Variants in ITGB1BP1 observed in about 807,000 individuals in gnomAD.
The protein encoded by ITGB1BP1 is integrin beta-1-binding protein 1.
ITGB1BP1 carries 20 observed loss-of-function variants against 28.0 expected under a neutral mutation model. The ratio of observed to expected loss-of-function variants is 0.71; its 90% CI spans 0.50 to 1.04. The LOEUF (loss-of-function observed/expected upper bound fraction) is 1.04, where lower values mean the gene tolerates loss of function less well. ITGB1BP1 is among the 50% of genes least tolerant of loss of function. The pLI is 0.00. For missense variants in ITGB1BP1, 228 were observed against 242.5 expected (o/e 0.94, Z 0.40); for synonymous variants, 103 against 89.5 (o/e 1.15, Z -0.85).
At chr2:9,422,769 G>T in intron 1 of ITGB1BP1, 1 of 985,798 alleles carries the variant, frequency 1.0e-6, no homozygotes, top group Middle Eastern at 5.2e-4. Context: ...GGTGCTAGGT[G>T]CACAGATCCC....
At position 9,406,692 on chromosome 2, in the gene ITGB1BP1, A is replaced by T; in HGVS notation, c.*142T>A. On this transcript the variant is annotated 3_prime_UTR_variant, in exon 7 of 7. Transcript: ENST00000355346. The stretch of plus-strand genomic sequence containing the variant: ...GTAATAGGACACATTTTAATAAACA[A>T]ATGATCAGCATTTTACACAATCCAT... 1.5e-6 allele frequency: 1 copy of T among 664,032 alleles called. No homozygotes were observed. Among genetic ancestry groups the T allele is most frequent in the East Asian group, 2.7e-5 (1 of 36,928 alleles). 41.1% of individuals were successfully genotyped at this position (664,032 alleles called of 1,614,324 possible).
rs865974099 is a variant in ITGB1BP1 at position 9,412,347 on chromosome 2, G to A, written c.210C>T (p.Ala70=). 4 of 1,611,622 alleles carry A rather than the reference G, an allele frequency of 2.5e-6. No homozygotes were observed. Among genetic ancestry groups the A allele is most frequent in the Non-Finnish European group, 3.4e-6 (4 of 1,178,300 alleles). The part of the protein sequence containing the change: ...CAEFRIKYVG[A]IEKLKLSEGK... ...CCTCGGAGAGTTTCAGTTTCTCAAT[G>A]GCACCAACATATTTTATTCGAAATT... is the stretch of plus-strand genomic sequence containing the variant. The change falls in exon 4 of 7, where the codon GCC becomes GCT. Residue 70 remains alanine (A), a synonymous_variant. Coordinates refer to ENST00000355346, the MANE Select transcript of ITGB1BP1 (RefSeq NM_004763.5).
At chr2:9,410,521 C>G (rs1678219951) in intron 4 of ITGB1BP1, among the ~76,000 whole-genome samples, 1 of 152,176 alleles carries the variant, frequency 6.6e-6, no homozygotes, top group Non-Finnish European at 1.5e-5. Context: ...TCACTGCAGC[C>G]TCTGCCTCCT....
chr2:9,414,952 A>G (rs928901316), intron 2 of ITGB1BP1, among the ~76,000 whole-genome samples: 1 of 152,220 alleles, frequency 6.6e-6, no homozygotes, highest in African/African-American at 2.4e-5. Context: ...CTTTAGAAAT[A>G]ATAGTCTCTG....
intron 4 of ITGB1BP1, among the ~76,000 whole-genome samples, chr2:9,411,915 G>A (rs1483567909): frequency 2.6e-5 from 4 of 151,574 alleles, no homozygotes; most frequent in African/African-American, 7.3e-5. Context: ...GGTGGCGGGC[G>A]CCTGTAATCC....
intron 6 of ITGB1BP1, 118 bp from the exon 7 acceptor site, chr2:9,407,023 C>T: frequency 1.3e-6 from 1 of 755,944 alleles, no homozygotes; most frequent in Non-Finnish European, 2.4e-6. Context: ...AAGCCGACCA[C>T]ACATGCCTGC....
chr2:9,416,083 G>A (rs1327741648), intron 2 of ITGB1BP1, among the ~76,000 whole-genome samples: 1 of 152,136 alleles, frequency 6.6e-6, no homozygotes, highest in African/African-American at 2.4e-5. Context: ...ATCATGAAAA[G>A]GCTGTTGAGT....
chr2:9,407,746 G>A (rs947265247), intron 5 of ITGB1BP1, 148 bp from the exon 6 acceptor site: 39 of 847,080 alleles, frequency 4.6e-5, no homozygotes, highest in Non-Finnish European at 6.2e-5. Flanking sequence ...TCAGTCTCGG[G>A]CAATGCCTTC....
At position 9,406,542 on chromosome 2, in the gene ITGB1BP1, T is replaced by TGAG. The variant is rs1301705206; in HGVS notation, c.*289_*291dup. 6 of 304,308 alleles carry TGAG rather than the reference T, an allele frequency of 2.0e-5. No individual in the cohort carries two copies. In the East Asian group the frequency reaches 2.6e-4, roughly 13 times the overall value. The allele number at this position is 304,308 out of a possible 1,614,324, so 18.9% of individuals were successfully genotyped here. ...CAGGCCTTCAGTGTGTGTTTGTCACTGAGTGGACCTCTGTGACACCTAGGC... is the reference window on the plus strand; with the variant it reads ...CAGGCCTTCAGTGTGTGTTTGTCACTGAGGAGTGGACCTCTGTGACACCTAGGC... On this transcript the variant is annotated 3_prime_UTR_variant, in exon 7 of 7. Transcript: ENST00000355346.
At position 9,415,571 on chromosome 2, in the gene ITGB1BP1, C is replaced by A. The variant is rs1226078881; in HGVS notation, c.73-1315G>T. 1.3e-5 allele frequency among the ~76,000 whole-genome samples: 2 copies of A among 152,148 alleles called. No individual in the cohort carries two copies. Among genetic ancestry groups the A allele is most frequent in the Non-Finnish European group, 2.9e-5 (2 of 68,026 alleles). ...CTCCAGCCTGGGCGACAGAGTGAGGCTCCGTCTCCAAAAATAAAAATAAAA... is the reference window on the plus strand; with the variant it reads ...CTCCAGCCTGGGCGACAGAGTGAGGATCCGTCTCCAAAAATAAAAATAAAA... On this transcript the variant is annotated intron_variant, in intron 2 of 6. Transcript: ENST00000355346. This position sits in a 1 kb window ranked among gnomAD's most constrained non-coding sequence, Gnocchi z 4.1.
At chr2:9,414,286 T>A in intron 2 of ITGB1BP1, 30 bp from the exon 3 acceptor site, 1 of 1,557,232 alleles carries the variant, frequency 6.4e-7, no homozygotes, top group Non-Finnish European at 8.9e-7. Flanking sequence ...GTAAAAAACC[T>A]CCACTGAAGC....
rs74612887 is a variant in ITGB1BP1, at chr2:9,422,439, G to A, written c.-36+934C>T. On this transcript the variant is annotated intron_variant, in intron 1 of 6. Transcript: ENST00000355346. Reference sequence around the variant, plus strand: ...CACGCGCCCCTGCTTTGCACCGCCCGGGACGTCCTTCACCTGTCAGGCACT... The same window carrying A: ...CACGCGCCCCTGCTTTGCACCGCCCAGGACGTCCTTCACCTGTCAGGCACT... The A allele has an allele frequency of 5.7e-3, 5,627 of 985,562 alleles. 28 individuals carry two copies. Among genetic ancestry groups the A allele is most frequent in the Non-Finnish European group, 6.2e-3 (5,160 of 830,036 alleles). 61.1% of individuals were successfully genotyped at this position (985,562 alleles called of 1,614,324 possible).
chr2:9,411,040 T>C (rs1013620898), intron 4 of ITGB1BP1, among the ~76,000 whole-genome samples: 4 of 151,786 alleles, frequency 2.6e-5, no homozygotes, highest in Admixed American at 6.6e-5. Context: ...ATTTACTTTC[T>C]TTTTTTTTCT....
At chr2:9,418,801 C>CA (rs1161470055) in intron 1 of ITGB1BP1, 69 bp from the exon 2 acceptor site, 1 of 1,042,258 alleles carries the variant, frequency 9.6e-7, no homozygotes, top group African/African-American at 1.7e-5. Context: ...TTTTAAGAGA[C>CA]AGAGTCTTGC....
intron 2 of ITGB1BP1, among the ~76,000 whole-genome samples, chr2:9,417,143 C>A (rs748285126): frequency 9.2e-4 from 140 of 152,148 alleles, no homozygotes; most frequent in South Asian, 1.5e-3. Flanking sequence ...TTCTGTCACT[C>A]CCTGGCCCCA....
At chr2:9,414,841 C>G (rs1214408260) in intron 2 of ITGB1BP1, among the ~76,000 whole-genome samples, 1 of 152,182 alleles carries the variant, frequency 6.6e-6, no homozygotes, top group Non-Finnish European at 1.5e-5. Context: ...CAGGACAGAG[C>G]AGACTATCAT....
intron 3 of ITGB1BP1, 153 bp from the exon 4 acceptor site, chr2:9,412,558 G>T: frequency 1.6e-6 from 1 of 615,228 alleles, no homozygotes; most frequent in Admixed American, 3.4e-5. Context: ...TAATGGGGAA[G>T]AACTTAAAAT....
chr2:9,423,373 C>G lies in ITGB1BP1; in HGVS notation c.-36G>C, dbSNP rs904439542. 4 of 1,155,716 alleles carry G rather than the reference C, an allele frequency of 3.5e-6. No homozygotes were observed. In the African/African-American group the frequency reaches 5.1e-5, roughly 15 times the overall value. 71.6% of individuals were successfully genotyped at this position (1,155,716 alleles called of 1,614,324 possible). Reference sequence around the variant, plus strand: ...AGCGGGACGAGGGCTGGGCGCTCACCTCGCAGCCGCGGGCCCATCCCCGGG... The same window carrying G: ...AGCGGGACGAGGGCTGGGCGCTCACGTCGCAGCCGCGGGCCCATCCCCGGG... On this transcript the variant is annotated splice_region_variant and 5_prime_UTR_variant, in exon 1 of 7. Transcript: ENST00000355346.
chr2:9,411,039 C>T (rs1307667403), intron 4 of ITGB1BP1, among the ~76,000 whole-genome samples: 1 of 151,686 alleles, frequency 6.6e-6, no homozygotes, highest in African/African-American at 2.4e-5. Context: ...AATTTACTTT[C>T]TTTTTTTTTC....
Sources: allele counts gnomAD v4.1 joint callset (sites outside exome capture counted in the v4.1 genomes callset), GRCh38; gene constraint gnomAD v4.1.1; non-coding constraint Gnocchi (gnomAD v3.1); transcripts MANE v1.5; gene names NCBI Gene and HGNC (gene_info 2026-07-23, HGNC 2026-07-21).